Variants in PLA2G4C observed in about 807,000 individuals in gnomAD.
The protein encoded by PLA2G4C is cytosolic phospholipase A2 gamma.
In PLA2G4C, 64 loss-of-function variants were observed where a neutral mutation model predicts 73.8. That is an observed-to-expected ratio of 0.87 (90% confidence interval 0.71 to 1.07). The LOEUF (loss-of-function observed/expected upper bound fraction) is 1.07. PLA2G4C is among the 50% of genes least tolerant of loss of function. The pLI is 0.00. For synonymous variants in PLA2G4C, 254 were observed against 252.1 expected (o/e 1.01, Z -0.07); for missense variants, 622 against 665.4 (o/e 0.93, Z 0.72).
At chr19:48,060,234 T>A (rs35341584) in intron 14 of PLA2G4C, among the ~76,000 whole-genome samples, 6,580 of 152,220 alleles carry the variant, frequency 0.043, 288 homozygotes, top group African/African-American at 0.11. Flanking sequence ...GAGCCCTGCC[T>A]AGTATGTCAA....
intron 6 of PLA2G4C, among the ~76,000 whole-genome samples, chr19:48,096,277 C>T (rs539683201): frequency 7.2e-5 from 11 of 152,134 alleles, no homozygotes; most frequent in Admixed American, 6.5e-5. Context: ...GGATCCACAC[C>T]GAGGAGAGAG....
chr19:48,068,748 GA>G (rs1161259724), intron 12 of PLA2G4C, among the ~76,000 whole-genome samples: 1 of 144,202 alleles, frequency 6.9e-6, no homozygotes, highest in Non-Finnish European at 1.5e-5. Flanking sequence ...AAAAAAAAAA[GA>G]AAAAAAGGAA....
At chr19:48,067,721 C>G in intron 13 of PLA2G4C, 70 bp downstream of exon 13, 1 of 1,043,366 alleles carries the variant, frequency 9.6e-7, no homozygotes, top group South Asian at 1.3e-5. Flanking sequence ...TTCAGGCCCA[C>G]CCCCTTCCCC....
chr19:48,106,644 G>A lies in PLA2G4C; in HGVS notation c.-32-83C>T, dbSNP rs2032251545. ...GTGGGGGAGGGCTGGGACTGTCACG[G>A]GCTCATGGGTTCTCCTTGTCCACTG... is the stretch of plus-strand genomic sequence containing the variant. On this transcript the variant is annotated intron_variant, in intron 1 of 16. Coordinates refer to ENST00000599921, the MANE Select transcript of PLA2G4C (RefSeq NM_003706.3). The A allele has an allele frequency of 4.7e-6, 5 of 1,059,812 alleles. No homozygotes were observed. The African/African-American group carries it at 6.2e-5, about 13-fold the overall frequency. 65.7% of individuals were successfully genotyped at this position (1,059,812 alleles called of 1,614,324 possible).
rs762442268 is a variant in PLA2G4C at position 48,110,536 on chromosome 19, C to T, written c.-82G>A. On this transcript the variant is annotated 5_prime_UTR_variant, in exon 1 of 17. Coordinates refer to ENST00000599921, the MANE Select transcript of PLA2G4C (RefSeq NM_003706.3). ...CGCATGCGCGGTGGAGCTTGTGCTCCGGAATCCGGTGCGGAGGCTTGGGCT... is the reference window on the plus strand; with the variant it reads ...CGCATGCGCGGTGGAGCTTGTGCTCTGGAATCCGGTGCGGAGGCTTGGGCT... The T allele has an allele frequency of 3.3e-6, 5 of 1,532,984 alleles. No individual in the cohort carries two copies. The highest frequency in any genetic ancestry group is 1.4e-5 in the African/African-American group (1 of 72,806). 95.0% of individuals were successfully genotyped at this position (1,532,984 alleles called of 1,614,324 possible).
intron 10 of PLA2G4C, among the ~76,000 whole-genome samples, chr19:48,079,716 A>T (rs951172507): frequency 6.6e-6 from 1 of 152,238 alleles, no homozygotes; most frequent in African/African-American, 2.4e-5. Flanking sequence ...TCACGCCTGT[A>T]ATCCTGGCAC....
In PLA2G4C at chr19:48,083,609, G is replaced by T. The variant is rs187240575; in HGVS notation, c.844+1450C>A. On this transcript the variant is annotated intron_variant, in intron 10 of 16. Transcript: ENST00000599921. ...ATTACAGGCATGTACCACCACGCCCGGCTAATTTTGTATTTTTAGTAGAGA... is the reference window on the plus strand; with the variant it reads ...ATTACAGGCATGTACCACCACGCCCTGCTAATTTTGTATTTTTAGTAGAGA... Among the ~76,000 whole-genome samples, 245 of 151,372 alleles carry T rather than the reference G, an allele frequency of 1.6e-3. 3 individuals are homozygous for T. The highest frequency in any genetic ancestry group is 5.5e-3 in the African/African-American group (228 of 41,254).
At chr19:48,061,288 A>AGGGGAG (rs1568425247) in intron 14 of PLA2G4C, 2 of 150,634 alleles carry the variant, frequency 1.3e-5, no homozygotes, top group East Asian at 4.0e-4. Flanking sequence ...GGGGAGGGGA[A>AGGGGAG]GGGAGGGGAG....
At position 48,099,699 on chromosome 19, in the gene PLA2G4C, T is replaced by C; in HGVS notation, c.419A>G (p.Tyr140Cys). The C allele has an allele frequency of 6.2e-7, 1 of 1,613,956 alleles. No homozygotes were observed. Among genetic ancestry groups the C allele is most frequent in the Non-Finnish European group, 8.5e-7 (1 of 1,179,924 alleles). Reference sequence around the variant, plus strand: ...TCTGGTTTGCTTAGAGATAACCATGTAGGCCCAGAAGTCGGTCAGAGAGTA... The same window carrying C: ...TCTGGTTTGCTTAGAGATAACCATGCAGGCCCAGAAGTCGGTCAGAGAGTA... ...ENYSLTDFWA[Y>C]MVISKQTREL... Residue 140 changes from tyrosine to cysteine, a missense_variant, in exon 5 of 17, where the codon TAC (tyrosine) becomes TGC (cysteine). Transcript: ENST00000599921.
intron 4 of PLA2G4C, 39 bp downstream of exon 4, chr19:48,104,549 A>G (rs2032070070): frequency 1.2e-6 from 2 of 1,603,290 alleles, no homozygotes; most frequent in African/African-American, 1.3e-5. Flanking sequence ...AATCCCATTT[A>G]TGTGTCAGAA....
At chr19:48,090,204 C>A (rs1265414870) in intron 8 of PLA2G4C, 160 bp downstream of exon 8, 1 of 638,422 alleles carries the variant, frequency 1.6e-6, no homozygotes. Context: ...ACTCTGTGGT[C>A]ATCCTGGCTG....
intron 2 of PLA2G4C, among the ~76,000 whole-genome samples, chr19:48,105,851 C>T (rs2032165287): frequency 1.2e-5 from 1 of 82,540 alleles, no homozygotes; most frequent in Non-Finnish European, 2.6e-5. Context: ...TCCTTCCATC[C>T]TTCCTTCCTT....
In PLA2G4C at chr19:48,090,104, G is replaced by T. The variant is rs764382433; in HGVS notation, c.763+260C>A. The T allele has an allele frequency of 9.2e-5, 42 of 458,746 alleles. No homozygotes were observed. The Middle Eastern group carries it at 1.9e-3, about 21-fold the overall frequency. 28.4% of individuals were successfully genotyped at this position (458,746 alleles called of 1,614,324 possible). ...CGCATGGCACAGAGGCAGAAACCGA[G>T]GCACAGAGAGGTTAAGTAACTTTTC... On this transcript the variant is annotated intron_variant, in intron 8 of 16. Coordinates refer to ENST00000599921, the MANE Select transcript of PLA2G4C (RefSeq NM_003706.3).
At chr19:48,064,423 T>C (rs1457286505) in intron 13 of PLA2G4C, among the ~76,000 whole-genome samples, 1 of 109,844 alleles carries the variant, frequency 9.1e-6, no homozygotes, top group Non-Finnish European at 1.9e-5. Flanking sequence ...AGAGCAAAAC[T>C]CTGTCTCAAA....
intron 13 of PLA2G4C, among the ~76,000 whole-genome samples, chr19:48,065,732 A>T (rs1464493659): frequency 1.3e-5 from 2 of 152,200 alleles, no homozygotes; most frequent in East Asian, 3.8e-4. Context: ...TGTGGAGACC[A>T]AAGTTTTATC....
rs1568457581 is a variant in PLA2G4C at position 48,105,936 on chromosome 19, TCC to T, written c.9-494_9-493del. On this transcript the variant is annotated intron_variant, in intron 2 of 16. Transcript: ENST00000599921. ...CTCCCTCCCTCCCTCCCTCCCTCCC[TCC>T]CTCCCTCCCTTCTTTCTTTCTTTCT... 9.1e-4 allele frequency among the ~76,000 whole-genome samples: 29 copies of T among 31,696 alleles called. 6 individuals carry two copies. Among genetic ancestry groups the T allele is most frequent in the African/African-American group, 4.8e-3 (21 of 4,414 alleles). 20.8% of individuals were successfully genotyped at this position (31,696 alleles called of 152,430 possible).
intron 14 of PLA2G4C, among the ~76,000 whole-genome samples, chr19:48,059,822 G>A (rs536779953): frequency 7.6e-5 from 11 of 145,240 alleles, no homozygotes; most frequent in Admixed American, 7.0e-4. Flanking sequence ...AGGCTGGAGT[G>A]CAATGGCACA....
chr19:48,059,628 G>C (rs1290265312), intron 14 of PLA2G4C, among the ~76,000 whole-genome samples: 1 of 152,102 alleles, frequency 6.6e-6, no homozygotes, highest in African/African-American at 2.4e-5. Flanking sequence ...TCTTTCTCCT[G>C]TGCTGGATAC....
At chr19:48,098,071 A>G in intron 6 of PLA2G4C, 68 bp downstream of exon 6, 2 of 1,541,274 alleles carry the variant, frequency 1.3e-6, no homozygotes, top group East Asian at 4.6e-5. Flanking sequence ...GCAGGGAAAC[A>G]TTCTTCCATT....
Sources: gnomAD v4.1 joint callset for allele counts (sites outside exome capture counted in the v4.1 genomes callset) on GRCh38, gnomAD v4.1.1 for gene constraint, MANE v1.5 for transcripts, NCBI Gene and HGNC (gene_info 2026-07-23, HGNC 2026-07-21) for gene names.